The following ZNF589 variants were observed in gnomAD, a reference collection of about 807,000 sequenced individuals.
ZNF589 encodes the protein KRAB-zinc finger protein SZF1-1.
Under a neutral mutation model 13.6 loss-of-function variants are expected in ZNF589, and 17 were observed. That is an observed-to-expected ratio of 1.25 (90% CI 0.86 to 1.88). The LOEUF (loss-of-function observed/expected upper bound fraction) is 1.88, where lower values mean the gene tolerates loss of function less well. ZNF589 is among the 40% of genes most tolerant of loss of function. The pLI is 0.00. For synonymous variants in ZNF589, 148 were observed against 161.6 expected (o/e 0.92, Z 0.64); for missense variants, 407 against 434.0 (o/e 0.94, Z 0.55).
At chr3:48,259,611 A>G (rs1375531354) in intron 2 of ZNF589, among the ~76,000 whole-genome samples, 2 of 152,210 alleles carry the variant, frequency 1.3e-5, no homozygotes, top group Admixed American at 6.5e-5. Context: ...AATCAGAGGC[A>G]GCTGGGAATA....
intron 2 of ZNF589, among the ~76,000 whole-genome samples, chr3:48,248,504 A>G (rs1369075904): frequency 1.3e-5 from 2 of 152,202 alleles, no homozygotes; most frequent in African/African-American, 4.8e-5. Context: ...GAAGAGCCTC[A>G]TAGAGTTCAC....
intron 2 of ZNF589, among the ~76,000 whole-genome samples, chr3:48,251,565 A>G (rs2033838879): frequency 6.6e-6 from 1 of 152,082 alleles, no homozygotes; most frequent in South Asian, 2.1e-4. Flanking sequence ...ATCTCAAAAA[A>G]AAAAAGAAAC....
chr3:48,247,706 G>T, intron 2 of ZNF589, 29 bp downstream of exon 2: 1 of 1,610,250 alleles, frequency 6.2e-7, no homozygotes, highest in Non-Finnish European at 8.5e-7. Flanking sequence ...TCTCTTTTCT[G>T]AAATGCTGGC....
intron 2 of ZNF589, among the ~76,000 whole-genome samples, chr3:48,253,579 A>G (rs2033864948): frequency 6.8e-6 from 1 of 148,028 alleles, no homozygotes; most frequent in Non-Finnish European, 1.5e-5. Flanking sequence ...GGCTCGCTGC[A>G]AGCTCTGCCT....
At chr3:48,257,295 TG>T (rs2033914435) in intron 2 of ZNF589, among the ~76,000 whole-genome samples, 1 of 152,168 alleles carries the variant, frequency 6.6e-6, no homozygotes, top group African/African-American at 2.4e-5. Flanking sequence ...AGTCTTGCTC[TG>T]TCTCCCAGGC....
Position 48,241,195 on chromosome 3 carries a change from A to G in ZNF589, c.24A>G (p.Leu8=), listed in dbSNP as rs1559978237. ...AGATGTGGGCCCCGCGGGAGCAGCT[A>G]CTGGGCTGGACTGCGGAAGGTGAGT... is the stretch of plus-strand genomic sequence containing the variant. MWAPREQ[L]LGWTAEALPA... The change falls in exon 1 of 4, where the codon CTA becomes CTG. Residue 8 remains leucine, a synonymous_variant. Coordinates refer to ENST00000354698, the MANE Select transcript of ZNF589 (RefSeq NM_016089.3). 6.2e-7 allele frequency: 1 copy of G among 1,613,250 alleles called. No individual in the cohort carries two copies. Among genetic ancestry groups the G allele is most frequent in the South Asian group, 1.1e-5 (1 of 91,038 alleles).
chr3:48,262,348 G>A (rs985121201), intron 3 of ZNF589, among the ~76,000 whole-genome samples: 3 of 151,696 alleles, frequency 2.0e-5, no homozygotes, highest in Non-Finnish European at 4.4e-5. Flanking sequence ...CATCACCACA[G>A]CCGGCTAATT....
At chr3:48,249,593 C>T (rs745308549) in intron 2 of ZNF589, among the ~76,000 whole-genome samples, 8 of 152,224 alleles carry the variant, frequency 5.3e-5, no homozygotes, top group Admixed American at 2.0e-4. Flanking sequence ...TATAGCTATT[C>T]GTTAGGCATT....
rs566858926 is a variant in ZNF589 at position 48,269,211 on chromosome 3, A to G, written c.*425A>G. On this transcript the variant is annotated 3_prime_UTR_variant, in exon 4 of 4. Transcript: ENST00000354698. ...CCTTATGCATGCACGGAGTGTGGGCAAGGCTTTATCACGAAATCACAGCTC... is the reference window on the plus strand; with the variant it reads ...CCTTATGCATGCACGGAGTGTGGGCGAGGCTTTATCACGAAATCACAGCTC... The G allele has an allele frequency of 2.8e-5, 37 of 1,325,346 alleles. No individual in the cohort carries two copies. In the East Asian group the frequency reaches 9.4e-4, roughly 34 times the overall value. 82.1% of individuals were successfully genotyped at this position (1,325,346 alleles called of 1,614,324 possible). A position where few individuals can be genotyped will look rare whatever the true frequency, so the allele number is the denominator to read the frequency against.
Position 48,268,159 on chromosome 3 carries a change from G to T in ZNF589, c.468G>T (p.Trp156Cys). 1 of 1,613,478 alleles carries T rather than the reference G, an allele frequency of 6.2e-7. No individual in the cohort carries two copies. The highest frequency in any genetic ancestry group is 8.5e-7 in the Non-Finnish European group (1 of 1,179,610). The stretch of plus-strand genomic sequence containing the variant: ...AAGGAGGCGTCAGACCCTTGTTTTG[G>T]AGTACAAATGAAAGGGGGGCTTTAG... The part of the protein sequence containing the change: ...RVEGGVRPLF[W>C]STNERGALVG... Residue 156 changes from tryptophan to cysteine, a missense_variant, in exon 4 of 4, where the codon TGG (tryptophan) becomes TGT (cysteine). Trp to Cys is a radical substitution (Grantham distance 215, BLOSUM62 -2). Transcript: ENST00000354698.
intron 3 of ZNF589, among the ~76,000 whole-genome samples, chr3:48,264,920 CTG>C (rs1345802850): frequency 6.6e-6 from 1 of 152,192 alleles, no homozygotes. Context: ...GGGCAGAACT[CTG>C]TGGTTCCAGG....
rs531185762 is a variant in ZNF589 at position 48,249,961 on chromosome 3, C to T, written c.96+2284C>T. On this transcript the variant is annotated intron_variant, in intron 2 of 3. Coordinates refer to ENST00000354698, the MANE Select transcript of ZNF589 (RefSeq NM_016089.3). ...TGGCCAACATGGTGAAAACCCATCA[C>T]TACTAAAAATACAAAAATTAGCTGT... Among the ~76,000 whole-genome samples the T allele has an allele frequency of 2.0e-4, 31 of 152,066 alleles. 1 individual carries two copies. The highest frequency in any genetic ancestry group is 4.6e-4 in the Non-Finnish European group (31 of 68,010).
At position 48,269,841 on chromosome 3, in the gene ZNF589, C is replaced by T; in HGVS notation, c.*1055C>T. 2 of 362,950 alleles carry T rather than the reference C, an allele frequency of 5.5e-6. No individual in the cohort carries two copies. Among genetic ancestry groups the T allele is most frequent in the Non-Finnish European group, 1.1e-5 (2 of 185,482 alleles). The allele number at this position is 362,950 out of a possible 1,614,324, so 22.5% of individuals were successfully genotyped here. On this transcript the variant is annotated 3_prime_UTR_variant, in exon 4 of 4. Transcript: ENST00000354698. The stretch of plus-strand genomic sequence containing the variant: ...TACTTGTCACGTGTCAGAGGACACA[C>T]TCGGGAGAAACCTTCATGGAGTGAG...
chr3:48,244,004 T>A (rs1010432553), intron 1 of ZNF589, among the ~76,000 whole-genome samples: 2 of 152,096 alleles, frequency 1.3e-5, no homozygotes, highest in African/African-American at 4.8e-5. Flanking sequence ...TGTTCCCTTT[T>A]TGGAGGACTT....
intron 1 of ZNF589, among the ~76,000 whole-genome samples, chr3:48,242,966 C>T (rs2033714806): frequency 6.6e-6 from 1 of 151,768 alleles, no homozygotes; most frequent in South Asian, 2.1e-4. Context: ...CCCAGCTACT[C>T]TGAGGCTGAG....
At chr3:48,252,223 GCT>G (rs2106836578) in intron 2 of ZNF589, among the ~76,000 whole-genome samples, 1 of 151,038 alleles carries the variant, frequency 6.6e-6, no homozygotes, top group East Asian at 1.9e-4. Flanking sequence ...ACAGATTCTC[GCT>G]CTGTCTCCCA....
intron 2 of ZNF589, among the ~76,000 whole-genome samples, chr3:48,251,816 G>A (rs1400575270): frequency 6.6e-6 from 1 of 152,018 alleles, no homozygotes; most frequent in African/African-American, 2.4e-5. Flanking sequence ...GTCAAGGCAG[G>A]TGGATCGCTT....
intron 3 of ZNF589, among the ~76,000 whole-genome samples, chr3:48,263,720 C>T (rs970885371): frequency 6.6e-6 from 1 of 152,150 alleles, no homozygotes. Context: ...AATTGCGCCA[C>T]TGCACTCCAA....
intron 3 of ZNF589, among the ~76,000 whole-genome samples, chr3:48,264,878 A>C (rs1315168080): frequency 6.6e-6 from 1 of 152,038 alleles, no homozygotes; most frequent in Non-Finnish European, 1.5e-5. Flanking sequence ...TTAGTCACTC[A>C]CTCCCATTCC....
Sources: allele counts gnomAD v4.1 joint callset (sites outside exome capture counted in the v4.1 genomes callset), GRCh38; gene constraint gnomAD v4.1.1; transcripts MANE v1.5; gene names NCBI Gene and HGNC (gene_info 2026-07-23, HGNC 2026-07-21).